Variants in TNNI3K observed in about 807,000 individuals in gnomAD.
The protein encoded by TNNI3K is serine/threonine-protein kinase TNNI3K.
In TNNI3K, 140 loss-of-function variants were observed where a neutral mutation model predicts 114.5. That is an observed-to-expected ratio of 1.22 (90% CI 1.07 to 1.41). The LOEUF (loss-of-function observed/expected upper bound fraction) is 1.41, where lower values mean the gene tolerates loss of function less well. Among genes scored for constraint, TNNI3K ranks in the 40% most tolerant of loss-of-function variants. TNNI3K has a pLI of 0.00. For missense variants in TNNI3K, 1,125 were observed against 1,007.6 expected (o/e 1.12, Z -1.58); for synonymous variants, 347 against 347.5 (o/e 1.00, Z 0.02).
At chr1:74,465,999 T>C (rs1174157711) in intron 21 of TNNI3K, among the ~76,000 whole-genome samples, 1 of 152,198 alleles carries the variant, frequency 6.6e-6, no homozygotes, top group Admixed American at 6.5e-5. Context: ...CGATAAGTCT[T>C]GCTGATGTTC....
At chr1:74,292,996 C>T (rs1203608194) in intron 5 of TNNI3K, among the ~76,000 whole-genome samples, 2 of 151,586 alleles carry the variant, frequency 1.3e-5, no homozygotes, top group African/African-American at 4.8e-5. Context: ...TTTCCCTTAT[C>T]AATTTAATAA....
At chr1:74,344,434 C>T (rs537528637) in intron 9 of TNNI3K, among the ~76,000 whole-genome samples, 1 of 152,252 alleles carries the variant, frequency 6.6e-6, no homozygotes, top group South Asian at 2.1e-4. Context: ...AAATCCTGTG[C>T]TTTTTACATT....
At chr1:74,389,073 A>G (rs1358377) in intron 17 of TNNI3K, among the ~76,000 whole-genome samples, 152,024 of 152,362 alleles carry the variant, frequency 1, 75,845 homozygotes, top group Middle Eastern at 1. Flanking sequence ...GCAAGGGAAC[A>G]GACCACAGAT....
In TNNI3K at chr1:74,336,018, G is replaced by A. The variant is rs752628516; in HGVS notation, c.551G>A (p.Arg184His). 62 of 1,568,336 alleles carry A rather than the reference G, an allele frequency of 4.0e-5. No individual in the cohort carries two copies. The highest frequency in any genetic ancestry group is 1.7e-4 in the Middle Eastern group (1 of 5,920). Residue 184 changes from arginine (R) to histidine (H), a missense_variant, in exon 7 of 25, where the codon CGC becomes CAC. Coordinates refer to ENST00000326637, the MANE Select transcript of TNNI3K (RefSeq NM_015978.3). ...AATGAATAAATCCTTTAGGTAACTC[G>A]CCTTCTTTTGAAATTTGGTGCTGAT... ...AAYYGHEQVT[R>H]LLLKFGADVN...
At chr1:74,374,029 T>C (rs1344742305) in intron 17 of TNNI3K, 1 of 151,950 alleles carries the variant, frequency 6.6e-6, no homozygotes, top group Non-Finnish European at 1.5e-5. Context: ...CTTTAAATCA[T>C]TGAAAGAGTA....
At chr1:74,360,550 G>A (rs548867087) in intron 11 of TNNI3K, among the ~76,000 whole-genome samples, 3 of 152,136 alleles carry the variant, frequency 2.0e-5, no homozygotes, top group East Asian at 1.9e-4. Flanking sequence ...TCACATAATA[G>A]GGATAGTATA....
chr1:74,351,031 C>A (rs1021598989), intron 9 of TNNI3K, among the ~76,000 whole-genome samples: 2 of 151,408 alleles, frequency 1.3e-5, no homozygotes, highest in South Asian at 4.2e-4. Flanking sequence ...GGTTATTTTG[C>A]TCCTTAGTTG....
intron 17 of TNNI3K, among the ~76,000 whole-genome samples, chr1:74,403,401 C>G (rs1664466972): frequency 6.6e-6 from 1 of 151,950 alleles, no homozygotes; most frequent in Non-Finnish European, 1.5e-5. Flanking sequence ...ATATTTTGTT[C>G]CAAATTTTCT....
intron 5 of TNNI3K, among the ~76,000 whole-genome samples, chr1:74,330,020 T>A (rs1660113383): frequency 6.6e-6 from 1 of 152,072 alleles, no homozygotes; most frequent in Non-Finnish European, 1.5e-5. Context: ...GAATAGACAG[T>A]ACATTAGCAA....
intron 5 of TNNI3K, among the ~76,000 whole-genome samples, chr1:74,317,020 G>A (rs1236831840): frequency 6.6e-6 from 1 of 151,918 alleles, no homozygotes; most frequent in Non-Finnish European, 1.5e-5. Context: ...TTTTTCTCCA[G>A]CACTGATCAT....
Position 74,353,351 on chromosome 1 carries a change from G to T in TNNI3K, c.1018G>T (p.Gly340Trp). The T allele has an allele frequency of 5.6e-6, 9 of 1,613,670 alleles. No individual in the cohort carries two copies. The highest frequency in any genetic ancestry group is 7.6e-6 in the Non-Finnish European group (9 of 1,179,886). The change falls in exon 10 of 25, where the codon GGG becomes TGG. Residue 340 changes from glycine to tryptophan, a missense_variant. Gly to Trp is a radical substitution (Grantham distance 184, BLOSUM62 -2). Coordinates refer to ENST00000326637, the MANE Select transcript of TNNI3K (RefSeq NM_015978.3). ...VININHQGRDGHTGLHSACYH... is the reference protein window; with the variant it reads ...VININHQGRDWHTGLHSACYH... ...AAACATCAACCACCAAGGAAGGGATGGGCACACTGGTAAGACTGTGGTGAA... is the reference window on the plus strand; with the variant it reads ...AAACATCAACCACCAAGGAAGGGATTGGCACACTGGTAAGACTGTGGTGAA...
chr1:74,543,767 C>A, intron 24 of TNNI3K, 139 bp from the exon 25 acceptor site: 1 of 868,488 alleles, frequency 1.2e-6, no homozygotes, highest in South Asian at 1.5e-5. Context: ...TTGTGCTTTG[C>A]AACTACTCAC....
intron 5 of TNNI3K, among the ~76,000 whole-genome samples, chr1:74,271,989 G>A (rs1461064523): frequency 1.3e-5 from 2 of 151,854 alleles, no homozygotes; most frequent in African/African-American, 4.8e-5. Context: ...TAACCTTGGG[G>A]AAGTTACTGA....
At chr1:74,507,226 C>CCT (rs1669951972) in intron 23 of TNNI3K, among the ~76,000 whole-genome samples, 1 of 135,784 alleles carries the variant, frequency 7.4e-6, no homozygotes. Flanking sequence ...TTTCTTCACC[C>CCT]CCCCCCCATC....
At position 74,271,616 on chromosome 1, in the gene TNNI3K, A is replaced by C. The variant is rs1656354138; in HGVS notation, c.352A>C (p.Thr118Pro). The C allele has an allele frequency of 6.2e-7, 1 of 1,605,084 alleles. No homozygotes were observed. Among genetic ancestry groups the C allele is most frequent in the African/African-American group, 1.3e-5 (1 of 74,516 alleles). ...CTTACAGGATAATGCAGAATTGATCACTTCTCTGCTTCACAGTGGAGCTGA... is the reference window on the plus strand; with the variant it reads ...CTTACAGGATAATGCAGAATTGATCCCTTCTCTGCTTCACAGTGGAGCTGA... ...AVYKDNAELITSLLHSGADIQ... is the reference protein window; with the variant it reads ...AVYKDNAELIPSLLHSGADIQ... Residue 118 changes from threonine (T) to proline (P), a missense_variant, in exon 5 of 25, where the codon ACT (threonine) becomes CCT (proline). By Grantham distance (38) the Thr-to-Pro change is conservative (BLOSUM62 -1). Coordinates refer to ENST00000326637, the MANE Select transcript of TNNI3K (RefSeq NM_015978.3).
intron 23 of TNNI3K, among the ~76,000 whole-genome samples, chr1:74,516,371 A>G (rs920931805): frequency 2.0e-5 from 3 of 152,194 alleles, no homozygotes; most frequent in Non-Finnish European, 4.4e-5. Context: ...AAAATAAGAC[A>G]TGGTTTCTGA....
chr1:74,474,023 G>A (rs1402059246), intron 21 of TNNI3K, among the ~76,000 whole-genome samples: 1 of 152,086 alleles, frequency 6.6e-6, no homozygotes, highest in Non-Finnish European at 1.5e-5. Flanking sequence ...GCCCTCTCTA[G>A]TTCTGGTACA....
rs149830701 is a variant in TNNI3K at position 74,281,334 on chromosome 1, A to ATGTGTGTGTGTGTGTG, written c.444+9638_444+9653dup. ...ATTATACTATCACCCACAATAATAGATGTGTGTGTGTGTGTGTGTGTGTGT... is the reference window on the plus strand; with the variant it reads ...ATTATACTATCACCCACAATAATAGATGTGTGTGTGTGTGTGTGTGTGTGTGTGTGTGTGTGTGTGT... On this transcript the variant is annotated intron_variant, in intron 5 of 24. Coordinates refer to ENST00000326637, the MANE Select transcript of TNNI3K (RefSeq NM_015978.3). Among the ~76,000 whole-genome samples, 274 of 148,042 alleles carry ATGTGTGTGTGTGTGTG rather than the reference A, an allele frequency of 1.9e-3. 1 individual carries two copies. The highest frequency in any genetic ancestry group is 6.0e-3 in the African/African-American group (240 of 40,142).
At chr1:74,311,032 AT>A (rs1405184712) in intron 5 of TNNI3K, among the ~76,000 whole-genome samples, 1 of 152,092 alleles carries the variant, frequency 6.6e-6, no homozygotes, top group Non-Finnish European at 1.5e-5. Context: ...GTTAAACATT[AT>A]TTCTCTTAAA....
Sources: gnomAD v4.1 joint callset for allele counts (sites outside exome capture counted in the v4.1 genomes callset) on GRCh38, gnomAD v4.1.1 for gene constraint, MANE v1.5 for transcripts, NCBI Gene and HGNC (gene_info 2026-07-23, HGNC 2026-07-21) for gene names.